LMO2: variants seen among roughly 807,000 people sequenced by gnomAD.
LMO2 encodes rhombotin-2.
A neutral mutation model predicts 23.2 loss-of-function variants in LMO2; 20 were observed. The observed-to-expected ratio is 0.86, with a 90% confidence interval of 0.61 to 1.25. LMO2 has a LOEUF of 1.25. LMO2 is among the 50% of genes most tolerant of loss of function. The probability of loss-of-function intolerance (pLI) is 0.00; values close to 1 mark genes in which losing one functional copy is unlikely to be tolerated. For synonymous variants in LMO2, 123 were observed against 130.2 expected, an observed-to-expected ratio of 0.94 and a Z score of 0.38; for missense variants, 270 against 315.3, an observed-to-expected ratio of 0.86 and a Z score of 1.09.
At chr11:33,873,306 G>T (rs1185194327) in intron 2 of LMO2, among the ~76,000 whole-genome samples, 1 of 152,036 alleles carries the variant, frequency 6.6e-6, no homozygotes, top group South Asian at 2.1e-4. Flanking sequence ...ACAACTCTTT[G>T]GGGAGAACTT....
Position 33,869,554 on chromosome 11 carries a change from C to T in LMO2, c.40G>A (p.Ala14Thr). 2 of 1,290,662 alleles carry T rather than the reference C, an allele frequency of 1.5e-6. No homozygotes were observed. The highest frequency in any genetic ancestry group is 2.0e-6 in the Non-Finnish European group (2 of 1,006,442). The allele number at this position is 1,290,662 out of a possible 1,614,324, so 80.0% of individuals were successfully genotyped here. A position where few individuals can be genotyped will look rare whatever the true frequency, so the allele number is the denominator to read the frequency against. ...CTCCGGCGCTCCGCCGGCGAGCTCGCCCCTCCGCGCTCAAGGACAGTCACC... is the reference window on the plus strand; with the variant it reads ...CTCCGGCGCTCCGCCGGCGAGCTCGTCCCTCCGCGCTCAAGGACAGTCACC... ...SAVTVLERGGASSPAERRSKR... is the reference protein window; with the variant it reads ...SAVTVLERGGTSSPAERRSKR... The change falls in exon 4 of 6, where the codon GCG becomes ACG. Residue 14 changes from alanine to threonine, a missense_variant. Physicochemically the swap from Ala to Thr is moderately conservative, Grantham distance 58. This residue lies in a region of LMO2 where 170 missense variants were observed against 162.0 expected (regional missense o/e 1.05). Coordinates refer to ENST00000257818, the MANE Select transcript of LMO2 (RefSeq NM_005574.4).
At chr11:33,882,847 C>T (rs77896223) in intron 1 of LMO2, among the ~76,000 whole-genome samples, 448 of 152,202 alleles carry the variant, frequency 2.9e-3, no homozygotes, top group African/African-American at 0.01. Context: ...ATGTAGGAGA[C>T]GGAATTTAGA....
intron 3 of LMO2, 25 bp downstream of exon 3, chr11:33,869,685 C>G (rs1565028571): frequency 4.0e-6 from 5 of 1,264,252 alleles, no homozygotes; most frequent in Non-Finnish European, 4.0e-6. Flanking sequence ...GCGGCTGCAG[C>G]TGCTGCTGCT....
intron 5 of LMO2, 109 bp from the exon 6 acceptor site, chr11:33,859,684 A>T: frequency 1.0e-6 from 1 of 966,140 alleles, no homozygotes; most frequent in Non-Finnish European, 1.5e-6. Flanking sequence ...GATGTCAGGA[A>T]GCCAGGGAAG....
Position 33,864,715 on chromosome 11 carries a change from C to T in LMO2, c.351G>A (p.Gln117=). 1.2e-6 allele frequency: 2 copies of T among 1,614,068 alleles called. No homozygotes were observed. The highest frequency in any genetic ancestry group is 1.7e-6 in the Non-Finnish European group (2 of 1,180,018). The part of the protein sequence containing the change: ...GDRYFLKAID[Q]YWHEDCLSCD... ...AGCTCAGGCAGTCCTCGTGCCAGTA[C>T]TGGTCGATGGCCTTCAGGAAGTAGC... Residue 117 remains glutamine (Q), a synonymous_variant, in exon 5 of 6, where the codon CAG becomes CAA. Coordinates refer to ENST00000257818, the MANE Select transcript of LMO2 (RefSeq NM_005574.4). The surrounding 1 kb of genome is among the most constrained non-coding windows in gnomAD (Gnocchi z 4.8).
intron 5 of LMO2, among the ~76,000 whole-genome samples, chr11:33,860,625 G>A (rs1453478509): frequency 6.6e-6 from 1 of 152,098 alleles, no homozygotes; most frequent in Non-Finnish European, 1.5e-5. Context: ...TTAGCCGGGT[G>A]CGGTGGTGCA....
chr11:33,872,463 G>T (rs914576286), intron 2 of LMO2, among the ~76,000 whole-genome samples: 9 of 152,204 alleles, frequency 5.9e-5, no homozygotes, highest in Non-Finnish European at 1.0e-4. Context: ...TTGCTTGCAT[G>T]AAAAGCAACT....
intron 2 of LMO2, among the ~76,000 whole-genome samples, chr11:33,875,471 G>A (rs1006484744): frequency 4.0e-5 from 6 of 151,718 alleles, no homozygotes; most frequent in Non-Finnish European, 5.9e-5. Flanking sequence ...CCAGCTACCC[G>A]GGAGGCTGAG....
chr11:33,875,578 CAA>C (rs71037312), intron 2 of LMO2, among the ~76,000 whole-genome samples: 12 of 115,140 alleles, frequency 1.0e-4, no homozygotes, highest in African/African-American at 2.7e-4. Context: ...AACTCCTTCT[CAA>C]AAAAAAAAAA....
chr11:33,859,614 G>A (rs936984307), intron 5 of LMO2, 39 bp from the exon 6 acceptor site: 1 of 1,590,096 alleles, frequency 6.3e-7, no homozygotes, highest in Non-Finnish European at 8.6e-7. Flanking sequence ...GACAGTGAAA[G>A]GGACAATCCT....
rs181678429 is a variant in LMO2, at chr11:33,859,132, A to G, written c.*224T>C. ...CAGTTACTATGGATGGGCTGTGGCC[A>G]TAAGTTCTCCCTCAAGGGCTGGTCC... On this transcript the variant is annotated 3_prime_UTR_variant, in exon 6 of 6. Transcript: ENST00000257818. The G allele has an allele frequency of 1.4e-4, 76 of 524,856 alleles. No individual in the cohort carries two copies. In the Middle Eastern group the frequency reaches 2.6e-3, roughly 18 times the overall value. The allele number at this position is 524,856 out of a possible 1,614,324, so 32.5% of individuals were successfully genotyped here. A position where few individuals can be genotyped will look rare whatever the true frequency, so the allele number is the denominator to read the frequency against.
chr11:33,875,705 ACCTTCT>A (rs1590647622), intron 2 of LMO2, among the ~76,000 whole-genome samples: 1 of 151,498 alleles, frequency 6.6e-6, no homozygotes, highest in East Asian at 2.0e-4. Context: ...ACCTTCCCCC[ACCTTCT>A]CCTTTGGGTA....
At chr11:33,870,648 C>G in intron 2 of LMO2, 1 of 854,770 alleles carries the variant, frequency 1.2e-6, no homozygotes, top group Non-Finnish European at 1.4e-6. Flanking sequence ...TCCTCTCAGT[C>G]GGCTGGTGGC....
At chr11:33,860,013 C>T (rs191192281) in intron 5 of LMO2, among the ~76,000 whole-genome samples, 137 of 152,276 alleles carry the variant, frequency 9.0e-4, no homozygotes, top group African/African-American at 2.7e-3. Flanking sequence ...TGCAATAAAA[C>T]GGGCATTCTT....
intron 2 of LMO2, among the ~76,000 whole-genome samples, chr11:33,875,890 G>A (rs942201518): frequency 6.6e-6 from 1 of 152,180 alleles, no homozygotes; most frequent in Non-Finnish European, 1.5e-5. Flanking sequence ...TGGGACCCCG[G>A]CACAGTATAT....
chr11:33,887,149 T>C (rs761583063), intron 1 of LMO2, among the ~76,000 whole-genome samples: 4 of 152,200 alleles, frequency 2.6e-5, no homozygotes, highest in African/African-American at 7.2e-5. Context: ...GAGGGGCCCA[T>C]AGGGGCAAGT....
chr11:33,872,129 A>G (rs1857039805), intron 2 of LMO2, among the ~76,000 whole-genome samples: 1 of 152,134 alleles, frequency 6.6e-6, no homozygotes, highest in African/African-American at 2.4e-5. Flanking sequence ...CATCTCTACT[A>G]AAAATACAAA....
Position 33,869,890 on chromosome 11 carries a change from G to C in LMO2, c.-174C>G. ...AGAGAGGGGGCGGCGGCCTAGGGGC[G>C]GGGAGGGGACCGTGCGTCTCTCTCC... is the stretch of plus-strand genomic sequence containing the variant. On this transcript the variant is annotated 5_prime_UTR_variant, in exon 3 of 6. Transcript: ENST00000257818. The C allele has an allele frequency of 9.5e-7, 1 of 1,050,484 alleles. No individual in the cohort carries two copies. Among genetic ancestry groups the C allele is most frequent in the Non-Finnish European group, 1.1e-6 (1 of 871,930 alleles). The allele number at this position is 1,050,484 out of a possible 1,614,324, so 65.1% of individuals were successfully genotyped here.
At chr11:33,861,930 G>A (rs1856596072) in intron 5 of LMO2, among the ~76,000 whole-genome samples, 1 of 152,180 alleles carries the variant, frequency 6.6e-6, no homozygotes, top group Non-Finnish European at 1.5e-5. Context: ...AACTGAAAAA[G>A]AAGGTCTCTG....
Sources: allele counts gnomAD v4.1 joint callset (sites outside exome capture counted in the v4.1 genomes callset), GRCh38; gene constraint gnomAD v4.1.1; regional missense constraint gnomAD v4.1.1; non-coding constraint Gnocchi (gnomAD v3.1); transcripts MANE v1.5; gene names NCBI Gene and HGNC (gene_info 2026-07-23, HGNC 2026-07-21).